Variants in BZW2 observed in about 807,000 individuals in gnomAD.
The protein encoded by BZW2 is eIF5-mimic protein 1.
In BZW2, 23 loss-of-function variants were observed where a neutral mutation model predicts 53.2. The observed-to-expected ratio is 0.43, with a 90% CI of 0.31 to 0.61. The LOEUF is 0.61. Ranked by LOEUF, BZW2 falls within the 20% of genes least tolerant of loss-of-function variation. The pLI is 0.09. For synonymous variants in BZW2, 227 were observed against 186.4 expected (o/e 1.22, Z -1.77); for missense variants, 409 against 503.1 (o/e 0.81, Z 1.79).
chr7:16,671,806 C>G (rs1329150156), intron 2 of BZW2, among the ~76,000 whole-genome samples: 1 of 151,872 alleles, frequency 6.6e-6, no homozygotes, highest in Non-Finnish European at 1.5e-5. Flanking sequence ...TGGCATGTAC[C>G]TGTAGTCCCA....
chr7:16,692,316 T>A (rs1391706484), intron 7 of BZW2, among the ~76,000 whole-genome samples: 1 of 152,192 alleles, frequency 6.6e-6, no homozygotes, highest in East Asian at 1.9e-4. Flanking sequence ...AATAAGTATG[T>A]ATCGATTATA....
At chr7:16,677,823 G>A (rs953515649) in intron 3 of BZW2, among the ~76,000 whole-genome samples, 6 of 152,110 alleles carry the variant, frequency 3.9e-5, no homozygotes, top group Non-Finnish European at 8.8e-5. Flanking sequence ...CAATGCCTAA[G>A]TGAAAGGTTT....
At chr7:16,678,087 C>CTTTTTTTTTTTT (rs71007780) in intron 3 of BZW2, among the ~76,000 whole-genome samples, 2 of 66,912 alleles carry the variant, frequency 3.0e-5, no homozygotes, top group African/African-American at 5.5e-5. Context: ...TTCCATTGTT[C>CTTTTTTTTTTTT]TTTTTTTTTT....
intron 5 of BZW2, 113 bp from the exon 6 acceptor site, chr7:16,685,792 G>A (rs931031213): frequency 7.3e-5 from 94 of 1,296,326 alleles, no homozygotes; most frequent in South Asian, 6.5e-5. Flanking sequence ...TGTGTGCCAC[G>A]TAGCCATGGA....
chr7:16,703,813 A>AT (rs1210159019), intron 10 of BZW2, among the ~76,000 whole-genome samples: 1 of 152,200 alleles, frequency 6.6e-6, no homozygotes, highest in Non-Finnish European at 1.5e-5. Flanking sequence ...CATTTGTGGA[A>AT]TTTAGAGTTT....
Position 16,676,067 on chromosome 7 carries a change from C to T in BZW2, c.235+1479C>T, listed in dbSNP as rs536547383. On this transcript the variant is annotated intron_variant, in intron 3 of 11. Coordinates refer to ENST00000258761, the MANE Select transcript of BZW2 (RefSeq NM_014038.3). ...CTGCACCCCAACCTGGGTGACAGAG[C>T]GAGATTCTCTCTCGAAAAGAAAAAA... Among the ~76,000 whole-genome samples the T allele has an allele frequency of 2.5e-4, 38 of 152,076 alleles. No individual in the cohort carries two copies. In the East Asian group the frequency reaches 4.7e-3, roughly 19 times the overall value.
chr7:16,662,815 G>C (rs1393100774), intron 1 of BZW2, among the ~76,000 whole-genome samples: 1 of 152,034 alleles, frequency 6.6e-6, no homozygotes, highest in African/African-American at 2.4e-5. Context: ...AGAAAGGACG[G>C]AAAGAAAGAA....
chr7:16,657,747 T>C (rs1782156726), intron 1 of BZW2, among the ~76,000 whole-genome samples: 1 of 152,162 alleles, frequency 6.6e-6, no homozygotes, highest in South Asian at 2.1e-4. Context: ...ATAAAATATG[T>C]GCTTAGTTGC....
intron 1 of BZW2, among the ~76,000 whole-genome samples, chr7:16,651,006 A>G (rs944076665): frequency 3.9e-5 from 6 of 152,220 alleles, no homozygotes; most frequent in African/African-American, 7.2e-5. Context: ...AGGTGTTTCC[A>G]TTGATGTTTT....
chr7:16,654,072 C>T (rs1203120977), intron 1 of BZW2, among the ~76,000 whole-genome samples: 1 of 91,666 alleles, frequency 1.1e-5, no homozygotes, highest in African/African-American at 4.4e-5. Context: ...CATGGCAAAA[C>T]CCCATCTCTA....
In BZW2 at chr7:16,665,507, TTGTGTGTG is replaced by T. The variant is rs71848458; in HGVS notation, c.58+22_58+29del. 3.2e-6 allele frequency: 5 copies of T among 1,548,052 alleles called. No individual in the cohort carries two copies. Among genetic ancestry groups the T allele is most frequent in the Non-Finnish European group, 3.5e-6 (4 of 1,129,986 alleles). ...GTTCAAAACTCGGAAAAGGGGTAGG[TTGTGTGTG>T]TGTGTGTGTGTGTGTTTAAAGTTGT... On this transcript the variant is annotated splice_region_variant and intron_variant, in intron 2 of 11. Transcript: ENST00000258761.
At chr7:16,702,658 C>T (rs1783705913) in intron 10 of BZW2, among the ~76,000 whole-genome samples, 2 of 152,112 alleles carry the variant, frequency 1.3e-5, no homozygotes, top group African/African-American at 4.8e-5. Flanking sequence ...TGCTCTCAAC[C>T]TTCAAAAGGA....
At chr7:16,691,131 T>C (rs1374242315) in intron 7 of BZW2, among the ~76,000 whole-genome samples, 1 of 152,232 alleles carries the variant, frequency 6.6e-6, no homozygotes, top group Non-Finnish European at 1.5e-5. Flanking sequence ...TTTAAAGTTT[T>C]TAGATTATGG....
intron 5 of BZW2, among the ~76,000 whole-genome samples, chr7:16,683,289 T>C (rs956040464): frequency 2.0e-5 from 3 of 152,250 alleles, no homozygotes; most frequent in Non-Finnish European, 4.4e-5. Context: ...TAGTGAGTTT[T>C]TAATACATGT....
chr7:16,647,921 G>A (rs2128348824), intron 1 of BZW2, among the ~76,000 whole-genome samples: 1 of 152,244 alleles, frequency 6.6e-6, no homozygotes, highest in African/African-American at 2.4e-5. Context: ...TTGTCTCACT[G>A]GGGTTGTCAG....
intron 7 of BZW2, among the ~76,000 whole-genome samples, chr7:16,690,212 T>C (rs6975568): frequency 0.17 from 26,214 of 151,814 alleles, 2,621 homozygotes; most frequent in African/African-American, 0.28. Context: ...TTTTACTTTT[T>C]TTTTTTTTGA....
rs1783430734 is a variant in BZW2 at position 16,694,887 on chromosome 7, T to G, written c.705T>G (p.Thr235=). 1 of 1,583,190 alleles carries G rather than the reference T, an allele frequency of 6.3e-7. No individual in the cohort carries two copies. Among genetic ancestry groups the G allele is most frequent in the South Asian group, 1.1e-5 (1 of 88,606 alleles). ...QSVDHFAKYF[T]DAGLKELSDF... ...TGGATCATTTTGCTAAATACTTCAC[T>G]GACGCAGGTCTTAAGGAGCTTTCCG... The change falls in exon 8 of 12, where the codon ACT becomes ACG. Residue 235 remains threonine (T), a synonymous_variant. Coordinates refer to ENST00000258761, the MANE Select transcript of BZW2 (RefSeq NM_014038.3).
chr7:16,657,081 T>C (rs1343046868), intron 1 of BZW2, among the ~76,000 whole-genome samples: 4 of 152,240 alleles, frequency 2.6e-5, no homozygotes, highest in Non-Finnish European at 5.9e-5. Context: ...GTGGCACATA[T>C]CTTTTTATGC....
At chr7:16,669,920 T>C (rs1263078867) in intron 2 of BZW2, among the ~76,000 whole-genome samples, 1 of 152,210 alleles carries the variant, frequency 6.6e-6, no homozygotes, top group Non-Finnish European at 1.5e-5. Context: ...CATTCGAATT[T>C]TGTTAGTATT....
Sources: gnomAD v4.1 joint callset for allele counts (sites outside exome capture counted in the v4.1 genomes callset) on GRCh38, gnomAD v4.1.1 for gene constraint, MANE v1.5 for transcripts, NCBI Gene and HGNC (gene_info 2026-07-23, HGNC 2026-07-21) for gene names.